The following PCDH15 variants were observed in gnomAD, a reference collection of about 807,000 sequenced individuals.
PCDH15 encodes the protein protocadherin-15.
PCDH15 carries 129 observed loss-of-function variants against 178.5 expected under a neutral mutation model. The ratio of observed to expected loss-of-function variants is 0.72; its 90% CI spans 0.63 to 0.84. The LOEUF (loss-of-function observed/expected upper bound fraction) is 0.84. Among genes scored for constraint, PCDH15 ranks in the 40% least tolerant of loss-of-function variants. The probability of loss-of-function intolerance (pLI) is 0.00; values close to 1 mark genes in which losing one functional copy is unlikely to be tolerated. For missense variants in PCDH15, 2,230 were observed against 2,099.9 expected, an observed-to-expected ratio of 1.06 and a Z score of -1.21; for synonymous variants, 800 against 732.0, an observed-to-expected ratio of 1.09 and a Z score of -1.50.
At chr10:54,257,851 G>C (rs2057033418) in intron 8 of PCDH15, among the ~76,000 whole-genome samples, 1 of 152,048 alleles carries the variant, frequency 6.6e-6, no homozygotes, top group Non-Finnish European at 1.5e-5. Flanking sequence ...CTTTACATTG[G>C]AATAAGCCAA....
intron 1 of PCDH15, among the ~76,000 whole-genome samples, chr10:55,265,327 T>TATATATATAG (rs1272222029): frequency 2.6e-5 from 4 of 150,980 alleles, no homozygotes; most frequent in African/African-American, 9.8e-5. Context: ...TATATATATA[T>TATATATATAG]AGACATAGAG....
At chr10:54,609,039 A>T (rs2092869654) in intron 2 of PCDH15, among the ~76,000 whole-genome samples, 1 of 152,148 alleles carries the variant, frequency 6.6e-6, no homozygotes. Flanking sequence ...TTTCCCTGAA[A>T]GGTACAATAA....
chr10:53,960,335 A>C (rs2088164981), intron 22 of PCDH15, among the ~76,000 whole-genome samples: 1 of 152,194 alleles, frequency 6.6e-6, no homozygotes, highest in Non-Finnish European at 1.5e-5. Context: ...TAGGGCAGAA[A>C]TACTTTACTC....
intron 1 of PCDH15, among the ~76,000 whole-genome samples, chr10:54,796,294 C>T (rs539216632): frequency 6.8e-6 from 1 of 146,152 alleles, no homozygotes; most frequent in Admixed American, 6.8e-5. Flanking sequence ...ATCTATCTAT[C>T]TATCTATCTA....
At chr10:55,192,995 T>C (rs1305788261) in intron 1 of PCDH15, among the ~76,000 whole-genome samples, 1 of 151,282 alleles carries the variant, frequency 6.6e-6, no homozygotes, top group Non-Finnish European at 1.5e-5. Context: ...CTTTTTTTTT[T>C]TTTTTTGATA....
At chr10:53,981,772 G>C (rs1026572363) in intron 21 of PCDH15, among the ~76,000 whole-genome samples, 6 of 151,514 alleles carry the variant, frequency 4.0e-5, no homozygotes, top group African/African-American at 1.5e-4. Flanking sequence ...AGGACTTCAT[G>C]TCTAAAACAC....
At chr10:54,116,304 A>G (rs1320002367) in intron 15 of PCDH15, among the ~76,000 whole-genome samples, 1 of 152,050 alleles carries the variant, frequency 6.6e-6, no homozygotes, top group Non-Finnish European at 1.5e-5. Flanking sequence ...AATGGAGTCA[A>G]CAGATAATCC....
chr10:53,824,528 GAACTATAAGA>G (rs1426354578), intron 32 of PCDH15, among the ~76,000 whole-genome samples: 1 of 152,054 alleles, frequency 6.6e-6, no homozygotes, highest in African/African-American at 2.4e-5. Context: ...GCAAAGATAC[GAACTATAAGA>G]AAGAGAAAGA....
At chr10:55,006,557 C>A (rs749332510) in intron 2 of PCDH15, among the ~76,000 whole-genome samples, 19 of 152,064 alleles carry the variant, frequency 1.2e-4, no homozygotes, top group Non-Finnish European at 2.5e-4. Flanking sequence ...GGGGGTGGAT[C>A]CTTCATGGCT....
chr10:54,547,069 T>C (rs905940317), intron 2 of PCDH15, among the ~76,000 whole-genome samples: 1 of 152,168 alleles, frequency 6.6e-6, no homozygotes, highest in Admixed American at 6.5e-5. Context: ...TCAATATTTG[T>C]TGGCATTTGC....
At chr10:54,817,725 T>C (rs1952971938) in intron 3 of PCDH15, among the ~76,000 whole-genome samples, 1 of 152,088 alleles carries the variant, frequency 6.6e-6, no homozygotes, top group African/African-American at 2.4e-5. Flanking sequence ...ATCTATACAA[T>C]GTGTTCTCAT....
chr10:54,585,573 C>G (rs983347669), intron 2 of PCDH15: 1 of 226,522 alleles, frequency 4.4e-6, no homozygotes, highest in Non-Finnish European at 9.4e-6. Context: ...ACAAATAATT[C>G]ATTCATTTCA....
intron 2 of PCDH15, among the ~76,000 whole-genome samples, chr10:55,563,858 A>C (rs1842249061): frequency 6.6e-6 from 1 of 151,922 alleles, no homozygotes; most frequent in African/African-American, 2.4e-5. Context: ...TATCCCCCAG[A>C]GAATATATAA....
chr10:55,056,445 C>A (rs1025609571), intron 2 of PCDH15, among the ~76,000 whole-genome samples: 2 of 151,838 alleles, frequency 1.3e-5, no homozygotes, highest in Admixed American at 6.6e-5. Flanking sequence ...ATCTGCTTCT[C>A]AAAATTTTCA....
intron 13 of PCDH15, among the ~76,000 whole-genome samples, chr10:54,163,610 G>T (rs1311896968): frequency 6.6e-6 from 1 of 151,964 alleles, no homozygotes; most frequent in Admixed American, 6.6e-5. Flanking sequence ...CCAAACCGAG[G>T]AACAATCCTT....
chr10:54,933,573 G>T lies in PCDH15; in HGVS notation c.-79-36073C>A, dbSNP rs78643735. On this transcript the variant is annotated intron_variant, in intron 2 of 5. Transcript: ENST00000458638. ...TATCCTTGAAAATTTGTCTGATACA[G>T]GAAATTTATCAGCATAAAGCTAATT... 6.0e-4 allele frequency among the ~76,000 whole-genome samples: 92 copies of T among 152,120 alleles called. No individual in the cohort carries two copies. The East Asian group carries it at 9.9e-3, about 16-fold the overall frequency.
intron 2 of PCDH15, among the ~76,000 whole-genome samples, chr10:54,597,081 C>G (rs563748229): frequency 6.6e-6 from 1 of 152,182 alleles, no homozygotes; most frequent in African/African-American, 2.4e-5. Flanking sequence ...ATGAACTTAA[C>G]ACTGGACCAA....
chr10:55,622,825 C>T (rs1482916589), intron 2 of PCDH15, among the ~76,000 whole-genome samples: 23 of 152,142 alleles, frequency 1.5e-4, no homozygotes, highest in African/African-American at 4.1e-4. Flanking sequence ...ACTCCCACTC[C>T]TAAATAAAAT....
intron 2 of PCDH15, among the ~76,000 whole-genome samples, chr10:54,572,955 A>T (rs2090016114): frequency 6.6e-6 from 1 of 152,114 alleles, no homozygotes; most frequent in African/African-American, 2.4e-5. Context: ...AGGAAATCAC[A>T]TACCCTTTCA....
Sources: allele counts gnomAD v4.1 joint callset (sites outside exome capture counted in the v4.1 genomes callset), GRCh38; gene constraint gnomAD v4.1.1; transcripts MANE v1.5; gene names NCBI Gene and HGNC (gene_info 2026-07-23, HGNC 2026-07-21).